The following ABHD3 variants were observed in gnomAD, a reference collection of about 807,000 sequenced individuals.
ABHD3 encodes phospholipase ABHD3.
ABHD3 carries 46 observed loss-of-function variants against 48.8 expected under a neutral mutation model. That is an observed-to-expected ratio of 0.94 (90% CI 0.74 to 1.20). ABHD3 has a LOEUF of 1.20. ABHD3 is among the 50% of genes most tolerant of loss of function. The pLI is 0.00. For synonymous variants in ABHD3, 192 were observed against 183.7 expected (o/e 1.04, Z -0.36); for missense variants, 490 against 497.8 (o/e 0.98, Z 0.15).
intron 8 of ABHD3, among the ~76,000 whole-genome samples, chr18:21,653,470 T>G (rs7232558): frequency 0.32 from 47,902 of 151,310 alleles, 10,363 homozygotes; most frequent in African/African-American, 0.58. Context: ...TTAAAAGATA[T>G]GAATTAAAGT....
chr18:21,671,833 C>T (rs576144945), intron 4 of ABHD3, among the ~76,000 whole-genome samples: 2 of 152,192 alleles, frequency 1.3e-5, no homozygotes, highest in East Asian at 3.9e-4. Context: ...AATGAGGTCT[C>T]ACTATTTTGC....
intron 4 of ABHD3, among the ~76,000 whole-genome samples, chr18:21,665,468 G>C (rs2039600490): frequency 1.3e-5 from 2 of 151,748 alleles, no homozygotes; most frequent in South Asian, 4.2e-4. Context: ...TCAAATTCCT[G>C]AGTTTAAGTA....
chr18:21,703,450 C>A (rs2040560830), intron 2 of ABHD3, 134 bp downstream of exon 2: 1 of 1,083,866 alleles, frequency 9.2e-7, no homozygotes, highest in Non-Finnish European at 1.3e-6. Context: ...GACGTACCTT[C>A]CATTTTCATT....
chr18:21,704,686 G>A lies in ABHD3; in HGVS notation c.-21C>T. The A allele has an allele frequency of 7.0e-7, 1 of 1,433,834 alleles. No homozygotes were observed. The highest frequency in any genetic ancestry group is 9.1e-7 in the Non-Finnish European group (1 of 1,095,750). 88.8% of individuals were successfully genotyped at this position (1,433,834 alleles called of 1,614,324 possible). ...TGCATGGCCCCCGAGCGCGGCGCGC[G>A]GGTCCTGCGGCGGGAGGAGAGCCGG... On this transcript the variant is annotated 5_prime_UTR_variant, in exon 1 of 9. Transcript: ENST00000289119.
At chr18:21,655,292 T>G (rs189953612) in intron 8 of ABHD3, among the ~76,000 whole-genome samples, 143 of 151,154 alleles carry the variant, frequency 9.5e-4, no homozygotes, top group African/African-American at 3.0e-3. Context: ...AAGTTTTTTT[T>G]TTTTTTTTTT....
chr18:21,673,454 T>TTGGCTAATTTTGTATTTTTA (rs2039802654), intron 4 of ABHD3, among the ~76,000 whole-genome samples: 8 of 151,936 alleles, frequency 5.3e-5, no homozygotes, highest in African/African-American at 1.9e-4. Context: ...CACCACACGC[T>TTGGCTAATTTTGTATTTTTA]TGGCTAATTT....
intron 4 of ABHD3, among the ~76,000 whole-genome samples, chr18:21,671,554 G>T (rs2039758201): frequency 6.6e-6 from 1 of 152,122 alleles, no homozygotes; most frequent in Non-Finnish European, 1.5e-5. Flanking sequence ...TCTGGTAGAT[G>T]AAATCACATC....
Position 21,683,981 on chromosome 18 carries a change from G to T in ABHD3, c.510-16C>A. 6.3e-7 allele frequency: 1 copy of T among 1,589,958 alleles called. No homozygotes were observed. Among genetic ancestry groups the T allele is most frequent in the Non-Finnish European group, 8.6e-7 (1 of 1,166,950 alleles). On this transcript the variant is annotated splice_polypyrimidine_tract_variant and intron_variant, in intron 3 of 8. Coordinates refer to ENST00000289119, the MANE Select transcript of ABHD3 (RefSeq NM_138340.5). ...AACCACACATCTAAAAACCAGGAAAGCAATTTTTGTTATTTTTACACATGA... is the reference window on the plus strand; with the variant it reads ...AACCACACATCTAAAAACCAGGAAATCAATTTTTGTTATTTTTACACATGA...
chr18:21,699,312 C>T (rs1035324164), intron 3 of ABHD3, among the ~76,000 whole-genome samples: 1 of 152,152 alleles, frequency 6.6e-6, no homozygotes, highest in Non-Finnish European at 1.5e-5. Context: ...AGTGGCAGTT[C>T]GAACATTTGA....
intron 5 of ABHD3, chr18:21,663,912 C>A (rs183258442): frequency 1.4e-6 from 2 of 1,431,370 alleles, no homozygotes. Flanking sequence ...CACAGAGACC[C>A]GTAGTTAAGA....
At chr18:21,688,867 C>T (rs1469108913) in intron 3 of ABHD3, among the ~76,000 whole-genome samples, 1 of 151,718 alleles carries the variant, frequency 6.6e-6, no homozygotes, top group South Asian at 2.1e-4. Context: ...TTCTAAGGGA[C>T]GAAAAATCAA....
chr18:21,683,830 T>G (rs2040064358), intron 4 of ABHD3, 90 bp downstream of exon 4: 1 of 1,289,238 alleles, frequency 7.8e-7, no homozygotes, highest in Admixed American at 2.6e-5. Context: ...ATAAACAGAG[T>G]TATTTTAAAT....
intron 4 of ABHD3, among the ~76,000 whole-genome samples, chr18:21,674,316 G>A (rs577800898): frequency 1.3e-3 from 198 of 149,546 alleles, no homozygotes; most frequent in Non-Finnish European, 2.4e-3. Flanking sequence ...ATCATGGCTC[G>A]CTGCAGCCTC....
rs2040602589 is a variant in ABHD3 at position 21,704,741 on chromosome 18, G to A, written c.-76C>T. 2 of 1,287,094 alleles carry A rather than the reference G, an allele frequency of 1.6e-6. No homozygotes were observed. Among genetic ancestry groups the A allele is most frequent in the Non-Finnish European group, 2.0e-6 (2 of 1,002,236 alleles). The allele number at this position is 1,287,094 out of a possible 1,614,324, so 79.7% of individuals were successfully genotyped here. On this transcript the variant is annotated 5_prime_UTR_variant, in exon 1 of 9. Coordinates refer to ENST00000289119, the MANE Select transcript of ABHD3 (RefSeq NM_138340.5). The stretch of plus-strand genomic sequence containing the variant: ...CGAGCGGGCGAGAGCGGGCGAGAGC[G>A]GACGCGGCGCCGCTGCCTACTCCCG...
rs1299442715 is a variant in ABHD3 at position 21,664,131 on chromosome 18, C to T, written c.655G>A (p.Val219Ile). 1 of 1,610,172 alleles carries T rather than the reference C, an allele frequency of 6.2e-7. No homozygotes were observed. Among genetic ancestry groups the T allele is most frequent in the South Asian group, 1.1e-5 (1 of 89,786 alleles). Residue 219 changes from valine to isoleucine, a missense_variant, in exon 5 of 9, where the codon GTT becomes ATT. Transcript: ENST00000289119. ...GGAAAACCTTACCCTCCCATTGAAACCCCTGCTGCCAGGAAAGGAGCAGAA... is the reference window on the plus strand; with the variant it reads ...GGAAAACCTTACCCTCCCATTGAAATCCCTGCTGCCAGGAAAGGAGCAGAA... ...YPSAPFLAAGVSMGGMLLLNY... is the reference protein window; with the variant it reads ...YPSAPFLAAGISMGGMLLLNY...
At chr18:21,704,455 C>A in intron 1 of ABHD3, 49 bp downstream of exon 1, 1 of 1,306,838 alleles carries the variant, frequency 7.7e-7, no homozygotes, top group South Asian at 2.4e-5. Flanking sequence ...CGCCTGCTAC[C>A]CTAGCTCCTG....
rs1205956355 is a variant in ABHD3, at chr18:21,704,573, C to G, written c.93G>C (p.Gly31=). The G allele has an allele frequency of 6.5e-7, 1 of 1,544,484 alleles. No individual in the cohort carries two copies. The highest frequency in any genetic ancestry group is 8.7e-7 in the Non-Finnish European group (1 of 1,148,334). ...AGCCCAGGATAAGGGATAAGCCCAC[C>G]CCCGAGCCGAAGAACCCCACCCGGA... ...HQVRVGFFGS[G]VGLSLILGFS... The change falls in exon 1 of 9, where the codon GGG becomes GGC. Residue 31 remains glycine, a synonymous_variant. Transcript: ENST00000289119.
intron 5 of ABHD3, chr18:21,663,793 G>C (rs2039556572): frequency 6.5e-7 from 1 of 1,534,022 alleles, no homozygotes; most frequent in East Asian, 2.4e-5. Context: ...GCAGCTCCAG[G>C]GATGGCTGGG....
intron 4 of ABHD3, among the ~76,000 whole-genome samples, chr18:21,677,052 G>C (rs2039898650): frequency 6.6e-6 from 1 of 152,052 alleles, no homozygotes; most frequent in South Asian, 2.1e-4. Context: ...TCAAGCCTTA[G>C]GTGACCATTA....
Sources: gnomAD v4.1 joint callset for allele counts (sites outside exome capture counted in the v4.1 genomes callset) on GRCh38, gnomAD v4.1.1 for gene constraint, MANE v1.5 for transcripts, NCBI Gene and HGNC (gene_info 2026-07-23, HGNC 2026-07-21) for gene names.